CSGALNACT1: variants seen among roughly 807,000 people sequenced by gnomAD.
The protein encoded by CSGALNACT1 is beta4GalNAcT-1.
CSGALNACT1 carries 52 observed loss-of-function variants against 51.0 expected under a neutral mutation model. The observed-to-expected ratio is 1.02, with a 90% confidence interval of 0.82 to 1.29. The LOEUF (loss-of-function observed/expected upper bound fraction) is 1.29. CSGALNACT1 is among the 50% of genes most tolerant of loss of function. The pLI is 0.00. For missense variants in CSGALNACT1, 935 were observed against 679.2 expected (o/e 1.38, Z -4.19); for synonymous variants, 341 against 254.4 (o/e 1.34, Z -3.24).
upstream of CSGALNACT1, among the ~76,000 whole-genome samples, chr8:19,604,861 G>C (rs2154147690): frequency 6.8e-6 from 1 of 147,426 alleles, no homozygotes; most frequent in South Asian, 2.1e-4. Flanking sequence ...CTTGCAGTGA[G>C]CCAAGATCGC....
intron 3 of CSGALNACT1, among the ~76,000 whole-genome samples, chr8:19,542,475 C>T (rs1402652277): frequency 4.6e-5 from 7 of 152,094 alleles, no homozygotes; most frequent in Admixed American, 4.6e-4. Flanking sequence ...CCAGAGCCCT[C>T]GGTCTATTTT....
chr8:19,645,111 A>G (rs1564337636), intron 1 of CSGALNACT1, among the ~76,000 whole-genome samples: 1 of 152,230 alleles, frequency 6.6e-6, no homozygotes, highest in Non-Finnish European at 1.5e-5. Flanking sequence ...AGACTGTCAG[A>G]GCAAAACATT....
At chr8:19,548,772 T>C (rs2087135452) in intron 3 of CSGALNACT1, among the ~76,000 whole-genome samples, 1 of 152,182 alleles carries the variant, frequency 6.6e-6, no homozygotes, top group Non-Finnish European at 1.5e-5. Flanking sequence ...TTTTAGCTGT[T>C]TTCTTTAGTA....
intron 1 of CSGALNACT1, among the ~76,000 whole-genome samples, chr8:19,645,658 G>C (rs1281023187): frequency 6.6e-6 from 1 of 152,250 alleles, no homozygotes; most frequent in Non-Finnish European, 1.5e-5. Context: ...AGTCCATTAT[G>C]AAAGACTGGA....
chr8:19,660,099 C>T lies in CSGALNACT1; in HGVS notation c.-544+22374G>A, dbSNP rs568547544. 1.1e-4 allele frequency among the ~76,000 whole-genome samples: 17 copies of T among 152,300 alleles called. No individual in the cohort carries two copies. In the East Asian group the frequency reaches 1.5e-3, roughly 14 times the overall value. Reference sequence around the variant, plus strand: ...GCCCAGTCTTACAACTAGGATGTGGCGAAGCCATGACTTAATGGTCAATCT... The same window carrying T: ...GCCCAGTCTTACAACTAGGATGTGGTGAAGCCATGACTTAATGGTCAATCT... On this transcript the variant is annotated intron_variant, in intron 1 of 9. Transcript: ENST00000332246.
rs371773402 is a variant in CSGALNACT1, at chr8:19,723,290, T to C, written c.-297+34560A>G. 1.6e-3 allele frequency among the ~76,000 whole-genome samples: 243 copies of C among 152,346 alleles called. 1 individual carries two copies. Among genetic ancestry groups the C allele is most frequent in the African/African-American group, 5.6e-3 (233 of 41,578 alleles). On this transcript the variant is annotated intron_variant, in intron 1 of 1. Coordinates refer to the CSGALNACT1 transcript ENST00000517494. The stretch of plus-strand genomic sequence containing the variant: ...ATGAAAACAATATCATATGTGTGTG[T>C]TTAATATTGTTAACGTGCTAACGAA...
chr8:19,737,512 C>CAA (rs2064055697), intron 1 of CSGALNACT1, among the ~76,000 whole-genome samples: 1 of 151,418 alleles, frequency 6.6e-6, no homozygotes, highest in African/African-American at 2.4e-5. Flanking sequence ...TGTTAAGTTA[C>CAA]ACACATACGG....
At chr8:19,608,529 A>C (rs1439033061) in intron 1 of CSGALNACT1, among the ~76,000 whole-genome samples, 3 of 152,240 alleles carry the variant, frequency 2.0e-5, no homozygotes, top group Non-Finnish European at 1.5e-5. Context: ...GTGCTACTAC[A>C]ATCTCCACAG....
chr8:19,492,381 C>T (rs748515961), intron 4 of CSGALNACT1, among the ~76,000 whole-genome samples: 1 of 152,212 alleles, frequency 6.6e-6, no homozygotes, highest in Non-Finnish European at 1.5e-5. Flanking sequence ...GAGTAATTAT[C>T]CCAGGATGGT....
intron 1 of CSGALNACT1, among the ~76,000 whole-genome samples, chr8:19,676,849 A>C (rs1319647191): frequency 6.6e-6 from 1 of 152,224 alleles, no homozygotes; most frequent in African/African-American, 2.4e-5. Context: ...CAAAGGAAGA[A>C]AATCAAGAAG....
intron 1 of CSGALNACT1, among the ~76,000 whole-genome samples, chr8:19,664,848 G>T (rs1436550120): frequency 6.6e-6 from 1 of 152,214 alleles, no homozygotes; most frequent in African/African-American, 2.4e-5. Context: ...TATATACATG[G>T]ATACAGAGTG....
exon 4 of CSGALNACT1, chr8:19,505,668 C>A: frequency 6.2e-6 from 10 of 1,614,140 alleles, no homozygotes; most frequent in Non-Finnish European, 8.5e-6. Context: ...GGCCTGGTAC[C>A]CCTCCTTCCC....
At chr8:19,605,881 CAAT>C (rs922680809), upstream of CSGALNACT1, among the ~76,000 whole-genome samples, 1 of 152,078 alleles carries the variant, frequency 6.6e-6, no homozygotes, top group African/African-American at 2.4e-5. Flanking sequence ...ACATTGAGAT[CAAT>C]AATATTTTAA....
intron 1 of CSGALNACT1, among the ~76,000 whole-genome samples, chr8:19,707,442 G>C (rs1208262135): frequency 6.6e-6 from 1 of 152,120 alleles, no homozygotes; most frequent in African/African-American, 2.4e-5. Flanking sequence ...TTTATTTAAA[G>C]TCATTGATCA....
chr8:19,474,197 G>A (rs112799631), intron 4 of CSGALNACT1, among the ~76,000 whole-genome samples: 7 of 152,098 alleles, frequency 4.6e-5, no homozygotes, highest in African/African-American at 1.2e-4. Flanking sequence ...GTCTCTGTGG[G>A]CTCCATGGAA....
chr8:19,715,632 C>T (rs2062761658), intron 1 of CSGALNACT1, among the ~76,000 whole-genome samples: 1 of 152,096 alleles, frequency 6.6e-6, no homozygotes, highest in Non-Finnish European at 1.5e-5. Flanking sequence ...TTATCTTTTT[C>T]TTGCCTTTTT....
chr8:19,651,014 T>C (rs2057756285), intron 1 of CSGALNACT1, among the ~76,000 whole-genome samples: 1 of 152,130 alleles, frequency 6.6e-6, no homozygotes. Flanking sequence ...GCTCAGAGAT[T>C]AGCATGGAGG....
intron 1 of CSGALNACT1, among the ~76,000 whole-genome samples, chr8:19,745,861 T>C (rs938045326): frequency 2.0e-5 from 3 of 152,072 alleles, no homozygotes; most frequent in African/African-American, 4.8e-5. Context: ...GGGGTTTATA[T>C]AGCAGGGAAG....
chr8:19,627,934 A>G (rs181666556), intron 1 of CSGALNACT1, among the ~76,000 whole-genome samples: 22 of 152,334 alleles, frequency 1.4e-4, no homozygotes, highest in Admixed American at 1.3e-4. Context: ...ATAAAGTACT[A>G]TAACTATGAA....
Sources: gnomAD v4.1 joint callset for allele counts (sites outside exome capture counted in the v4.1 genomes callset) on GRCh38, gnomAD v4.1.1 for gene constraint, MANE v1.5 for transcripts, NCBI Gene and HGNC (gene_info 2026-07-23, HGNC 2026-07-21) for gene names.